LIPA: variants seen among roughly 807,000 people sequenced by gnomAD.
LIPA encodes lipase A, lysosomal acid type, also known as lysosomal acid lipase/cholesteryl ester hydrolase.
A neutral mutation model predicts 40.6 loss-of-function variants in LIPA; 26 were observed. The ratio of observed to expected loss-of-function variants is 0.64; its 90% CI spans 0.47 to 0.89. LIPA has a LOEUF of 0.89. Ranked by LOEUF, LIPA falls within the 40% of genes least tolerant of loss-of-function variation. The probability of loss-of-function intolerance (pLI) is 0.00; values close to 1 mark genes in which losing one functional copy is unlikely to be tolerated. For missense variants in LIPA, 455 were observed against 479.6 expected (o/e 0.95, Z 0.48); for synonymous variants, 188 against 168.4 (o/e 1.12, Z -0.90).
At chr10:89,327,587 T>C (rs1383723074) in intron 1 of LIPA, among the ~76,000 whole-genome samples, 2 of 151,786 alleles carry the variant, frequency 1.3e-5, no homozygotes, top group Non-Finnish European at 2.9e-5. Flanking sequence ...AAAGAGTGTG[T>C]TCTATTAGTA....
At chr10:89,355,486 G>A (rs1320304979) in intron 2 of LIPA, among the ~76,000 whole-genome samples, 3 of 152,202 alleles carry the variant, frequency 2.0e-5, no homozygotes, top group African/African-American at 7.2e-5. Context: ...AATTTATGAA[G>A]TTTGTTATTC....
At chr10:89,265,238 T>C (rs980244170) in intron 1 of LIPA, among the ~76,000 whole-genome samples, 1 of 151,720 alleles carries the variant, frequency 6.6e-6, no homozygotes, top group Non-Finnish European at 1.5e-5. Flanking sequence ...GGCCATGGGG[T>C]CCTGGGCCCC....
At chr10:89,228,910 A>G (rs1312766379) in intron 3 of LIPA, among the ~76,000 whole-genome samples, 1 of 152,220 alleles carries the variant, frequency 6.6e-6, no homozygotes, top group Non-Finnish European at 1.5e-5. Context: ...GCTGGTGGAA[A>G]TGCAAACTGG....
At chr10:89,401,457 GA>G (rs1844422259) in intron 2 of LIPA, among the ~76,000 whole-genome samples, 1 of 152,112 alleles carries the variant, frequency 6.6e-6, no homozygotes, top group African/African-American at 2.4e-5. Context: ...TTACAGAGAT[GA>G]AGAACAAATT....
chr10:89,347,259 C>T (rs1843929375), upstream of LIPA, among the ~76,000 whole-genome samples: 1 of 152,202 alleles, frequency 6.6e-6, no homozygotes, highest in African/African-American at 2.4e-5. Context: ...ATTGTGACAA[C>T]ACATGTGAAG....
At chr10:89,292,075 C>A (rs1843378075) in intron 1 of LIPA, 1 of 152,232 alleles carries the variant, frequency 6.6e-6, no homozygotes, top group African/African-American at 2.4e-5. Context: ...CCCAGGAACA[C>A]CAGCCTTGGA....
intron 2 of LIPA, among the ~76,000 whole-genome samples, chr10:89,371,065 T>C (rs2133597370): frequency 6.6e-6 from 1 of 152,318 alleles, no homozygotes; most frequent in Admixed American, 6.5e-5. Context: ...TATTGCCAGA[T>C]GCCCCCAGGG....
chr10:89,275,514 A>G (rs1390400857), intron 1 of LIPA, among the ~76,000 whole-genome samples: 2 of 152,172 alleles, frequency 1.3e-5, no homozygotes, highest in Non-Finnish European at 1.5e-5. Flanking sequence ...CACCTGCCTT[A>G]TGTACTTGAA....
intron 1 of LIPA, among the ~76,000 whole-genome samples, chr10:89,280,595 C>T (rs1020154283): frequency 4.6e-5 from 7 of 152,208 alleles, no homozygotes; most frequent in Admixed American, 4.6e-4. Context: ...CCAGCTTCAC[C>T]CATTCATCTC....
chr10:89,305,618 T>C (rs1278820770), intron 1 of LIPA, among the ~76,000 whole-genome samples: 2 of 152,130 alleles, frequency 1.3e-5, no homozygotes, highest in Non-Finnish European at 2.9e-5. Flanking sequence ...GACTTACTTC[T>C]TTAAAACTAC....
intron 1 of LIPA, among the ~76,000 whole-genome samples, chr10:89,281,567 G>A (rs1032660527): frequency 1.3e-5 from 2 of 152,176 alleles, no homozygotes; most frequent in Admixed American, 6.5e-5. Context: ...TGGAAACTAA[G>A]GCTCCAATAG....
At chr10:89,261,189 C>T (rs17118228) in intron 1 of LIPA, among the ~76,000 whole-genome samples, 7,001 of 152,260 alleles carry the variant, frequency 0.046, 558 homozygotes, top group African/African-American at 0.16. Context: ...GATGCCTAGT[C>T]CAGAAGTCAT....
Position 89,228,184 on chromosome 10 carries a change from A to C in LIPA, c.428+16T>G. The C allele has an allele frequency of 6.2e-7, 1 of 1,603,740 alleles. No homozygotes were observed. Among genetic ancestry groups the C allele is most frequent in the Non-Finnish European group, 8.5e-7 (1 of 1,170,574 alleles). On this transcript the variant is annotated intron_variant, in intron 4 of 9. Coordinates refer to ENST00000336233, the MANE Select transcript of LIPA (RefSeq NM_000235.4). Reference sequence around the variant, plus strand: ...ACTAAGGAAATACATCCATGCCATTATCAATTCATATATACCTGAAAGCCC... The same window carrying C: ...ACTAAGGAAATACATCCATGCCATTCTCAATTCATATATACCTGAAAGCCC...
At chr10:89,353,437 A>G (rs1843970666) in intron 2 of LIPA, among the ~76,000 whole-genome samples, 1 of 152,230 alleles carries the variant, frequency 6.6e-6, no homozygotes, top group Admixed American at 6.5e-5. Flanking sequence ...CTGCACATGT[A>G]GACAGCCCAA....
chr10:89,322,666 C>A (rs1843578169), intron 1 of LIPA, among the ~76,000 whole-genome samples: 1 of 151,500 alleles, frequency 6.6e-6, no homozygotes, highest in Non-Finnish European at 1.5e-5. Context: ...AAGCCTTGTG[C>A]CCCCAAGAAG....
chr10:89,266,558 G>GA (rs1250042707), intron 1 of LIPA, among the ~76,000 whole-genome samples: 1 of 152,188 alleles, frequency 6.6e-6, no homozygotes, highest in Non-Finnish European at 1.5e-5. Context: ...TCCCGTGCCT[G>GA]AAATATTATG....
intron 2 of LIPA, among the ~76,000 whole-genome samples, chr10:89,350,196 T>C (rs1843949404): frequency 6.6e-6 from 1 of 152,186 alleles, no homozygotes; most frequent in African/African-American, 2.4e-5. Flanking sequence ...CACTGAGTTC[T>C]CTGGTGTGAA....
intron 1 of LIPA, chr10:89,338,378 T>G (rs9663529): frequency 0.039 from 13,067 of 332,234 alleles, 839 homozygotes; most frequent in African/African-American, 0.18. Flanking sequence ...AAGCAGTCGG[T>G]CAGAGGGAGA....
At chr10:89,301,900 G>C (rs2133517742) in intron 1 of LIPA, 2 of 491,254 alleles carry the variant, frequency 4.1e-6, no homozygotes, top group East Asian at 3.2e-5. Flanking sequence ...GTCCTCTAAA[G>C]TATAATAAAA....
Sources: allele counts gnomAD v4.1 joint callset (sites outside exome capture counted in the v4.1 genomes callset), GRCh38; gene constraint gnomAD v4.1.1; transcripts MANE v1.5; gene names NCBI Gene and HGNC (gene_info 2026-07-23, HGNC 2026-07-21).